Variants in TDO2 observed in about 807,000 individuals in gnomAD.
The protein encoded by TDO2 is tryptamin 2,3-dioxygenase.
Under a neutral mutation model 61.2 loss-of-function variants are expected in TDO2, and 63 were observed. The ratio of observed to expected loss-of-function variants is 1.03; its 90% CI spans 0.84 to 1.27. TDO2 has a LOEUF of 1.27. Among genes scored for constraint, TDO2 ranks in the 50% most tolerant of loss-of-function variants. The probability of loss-of-function intolerance (pLI) is 0.00; values close to 1 mark genes in which losing one functional copy is unlikely to be tolerated. For synonymous variants in TDO2, 183 were observed against 164.0 expected (o/e 1.12, Z -0.89); for missense variants, 494 against 469.5 (o/e 1.05, Z -0.48).
intron 10 of TDO2, 65 bp downstream of exon 10, chr4:155,917,539 T>G (rs1742965526): frequency 7.3e-7 from 1 of 1,365,914 alleles, no homozygotes; most frequent in Non-Finnish European, 1.0e-6. Flanking sequence ...TTTATCTTGG[T>G]CTTCTGTGTG....
chr4:155,903,912 A>G (rs1018157826), intron 1 of TDO2, 106 bp from the exon 2 acceptor site: 101 of 1,503,630 alleles, frequency 6.7e-5, no homozygotes, highest in Non-Finnish European at 8.7e-5. Context: ...TTGTCTAACA[A>G]TCTACTCTAA....
At chr4:155,909,273 A>G (rs1017163042) in intron 5 of TDO2, among the ~76,000 whole-genome samples, 2 of 152,216 alleles carry the variant, frequency 1.3e-5, no homozygotes, top group Non-Finnish European at 2.9e-5. Context: ...TCCAAAAAGA[A>G]TTTTAGACAA....
At chr4:155,911,842 T>C (rs1363841833) in intron 7 of TDO2, among the ~76,000 whole-genome samples, 3 of 152,178 alleles carry the variant, frequency 2.0e-5, no homozygotes, top group Non-Finnish European at 4.4e-5. Context: ...TAGCTGAGAT[T>C]AATATTATTT....
intron 9 of TDO2, among the ~76,000 whole-genome samples, chr4:155,916,698 A>G (rs1024922393): frequency 1.3e-5 from 2 of 152,196 alleles, no homozygotes; most frequent in Admixed American, 6.5e-5. Flanking sequence ...ACTCTATTGT[A>G]TGAAGGTCCC....
intron 8 of TDO2, among the ~76,000 whole-genome samples, chr4:155,915,301 T>C (rs1175726928): frequency 6.6e-6 from 1 of 152,202 alleles, no homozygotes; most frequent in African/African-American, 2.4e-5. Flanking sequence ...TATTAAGTTT[T>C]ATAAGCTTAA....
chr4:155,917,052 A>G (rs770873478), intron 9 of TDO2, among the ~76,000 whole-genome samples: 13 of 152,266 alleles, frequency 8.5e-5, no homozygotes, highest in Non-Finnish European at 1.8e-4. Flanking sequence ...GTGTTTTAAT[A>G]TCTTTGCCTA....
At chr4:155,917,906 C>T (rs1327047551) in intron 10 of TDO2, among the ~76,000 whole-genome samples, 1 of 152,082 alleles carries the variant, frequency 6.6e-6, no homozygotes, top group East Asian at 1.9e-4. Flanking sequence ...CTGGTCTCTT[C>T]TATTGTATCC....
Position 155,907,711 on chromosome 4 carries a change from C to CCTTATTACAG in TDO2, c.233-5_237dup. The stretch of plus-strand genomic sequence containing the variant: ...ATAACTTTCCAACTGACAATGATTT[C>CCTTATTACAG]CTTATTACAGCTTATGAACTCTGGT... On this transcript the variant is annotated splice_polypyrimidine_tract_variant and intron_variant, in intron 3 of 11. Coordinates refer to ENST00000536354, the MANE Select transcript of TDO2 (RefSeq NM_005651.4). 1 of 1,605,794 alleles carries CCTTATTACAG rather than the reference C, an allele frequency of 6.2e-7. No individual in the cohort carries two copies. Among genetic ancestry groups the CCTTATTACAG allele is most frequent in the East Asian group, 2.2e-5 (1 of 44,618 alleles).
chr4:155,908,311 G>A (rs1742756981), intron 4 of TDO2, among the ~76,000 whole-genome samples: 1 of 152,084 alleles, frequency 6.6e-6, no homozygotes, highest in Admixed American at 6.6e-5. Flanking sequence ...TCCAGTGACG[G>A]CAGGAGCTTG....
Position 155,920,158 on chromosome 4 carries a change from T to C in TDO2, c.*168T>C. The C allele has an allele frequency of 1.6e-6, 1 of 626,656 alleles. No individual in the cohort carries two copies. Among genetic ancestry groups the C allele is most frequent in the South Asian group, 2.1e-5 (1 of 46,854 alleles). 38.8% of individuals were successfully genotyped at this position (626,656 alleles called of 1,614,324 possible). ...GATTACCTCTTGTTTGTGACAAGAC[T>C]AAGCATTAAGATGAGAAAGAATACA... On this transcript the variant is annotated 3_prime_UTR_variant, in exon 12 of 12. Transcript: ENST00000536354.
At chr4:155,915,079 C>T (rs1000404763) in intron 8 of TDO2, among the ~76,000 whole-genome samples, 2 of 152,108 alleles carry the variant, frequency 1.3e-5, no homozygotes, top group African/African-American at 4.8e-5. Context: ...GAAAAGCATA[C>T]ATTTAGACTT....
chr4:155,915,772 A>C (rs1443728637), intron 8 of TDO2, 83 bp from the exon 9 acceptor site: 11 of 1,193,586 alleles, frequency 9.2e-6, no homozygotes, highest in South Asian at 4.3e-5. Flanking sequence ...TAATCCATTA[A>C]ATTTTTTAAG....
chr4:155,909,071 G>C (rs1290577727), intron 5 of TDO2, 57 bp downstream of exon 5: 3 of 1,507,096 alleles, frequency 2.0e-6, no homozygotes, highest in East Asian at 4.8e-5. Context: ...CATTTTGGTG[G>C]GGTAAAAGCA....
Position 155,914,349 on chromosome 4 carries a change from G to A in TDO2, c.753G>A (p.Glu251=), listed in dbSNP as rs546857515. 8.1e-6 allele frequency: 13 copies of A among 1,608,320 alleles called. 2 individuals are homozygous for A. In the South Asian group the frequency reaches 1.1e-4, roughly 14 times the overall value. ...IQAKEESEEK[E]EQVAEFQKQK... ...CTAAAGAAGAGTCTGAAGAAAAAGAGGAACAGGTGGCTGAATTTCAGAAGC... is the reference window on the plus strand; with the variant it reads ...CTAAAGAAGAGTCTGAAGAAAAAGAAGAACAGGTGGCTGAATTTCAGAAGC... The change falls in exon 8 of 12, where the codon GAG becomes GAA. Residue 251 remains glutamate, a synonymous_variant. Coordinates refer to ENST00000536354, the MANE Select transcript of TDO2 (RefSeq NM_005651.4).
intron 4 of TDO2, 68 bp from the exon 5 acceptor site, chr4:155,908,819 C>T (rs904502420): frequency 1.3e-6 from 2 of 1,486,440 alleles, no homozygotes; most frequent in African/African-American, 1.4e-5. Flanking sequence ...GAATTCATTG[C>T]CATTGTCTAT....
At chr4:155,905,206 G>C in intron 3 of TDO2, 49 bp downstream of exon 3, 1 of 1,321,422 alleles carries the variant, frequency 7.6e-7, no homozygotes, top group Non-Finnish European at 1.0e-6. Flanking sequence ...ATTTCTCATT[G>C]ATAACGAGGA....
rs748063299 is a variant in TDO2, at chr4:155,915,927, AAG to A, written c.896+21_896+22del. On this transcript the variant is annotated intron_variant, in intron 9 of 11. Transcript: ENST00000536354. ...TATTTTTACAGGTAAAGCAAATCCG[AAG>A]AGAGACTGAAGTTAAAATTGAGGGG... 6.9e-6 allele frequency: 11 copies of A among 1,601,946 alleles called. No individual in the cohort carries two copies. The highest frequency in any genetic ancestry group is 8.5e-6 in the Non-Finnish European group (10 of 1,174,812).
chr4:155,914,274 A>C, intron 7 of TDO2, 49 bp from the exon 8 acceptor site: 1 of 1,399,618 alleles, frequency 7.1e-7, no homozygotes, highest in South Asian at 1.3e-5. Context: ...CTAAAATATC[A>C]ATCTACTTAT....
chr4:155,911,429 C>T (rs1424558281), intron 6 of TDO2, 68 bp from the exon 7 acceptor site: 9 of 1,105,826 alleles, frequency 8.1e-6, no homozygotes, highest in South Asian at 1.5e-5. Context: ...TAAGTTTATA[C>T]ATGTCGGTTA....
Sources: allele counts gnomAD v4.1 joint callset (sites outside exome capture counted in the v4.1 genomes callset), GRCh38; gene constraint gnomAD v4.1.1; transcripts MANE v1.5; gene names NCBI Gene and HGNC (gene_info 2026-07-23, HGNC 2026-07-21).